AGBL4: variants seen among roughly 807,000 people sequenced by gnomAD.
AGBL4 encodes the protein cytosolic carboxypeptidase 6.
AGBL4 carries 58 observed loss-of-function variants against 66.4 expected under a neutral mutation model. The ratio of observed to expected loss-of-function variants is 0.87; its 90% CI spans 0.71 to 1.09. The LOEUF is 1.09. Ranked by LOEUF, AGBL4 falls within the 50% of genes least tolerant of loss-of-function variation. The probability of loss-of-function intolerance (pLI) is 0.00; values close to 1 mark genes in which losing one functional copy is unlikely to be tolerated. For synonymous variants in AGBL4, 234 were observed against 222.9 expected, an observed-to-expected ratio of 1.05 and a Z score of -0.44; for missense variants, 579 against 631.0, an observed-to-expected ratio of 0.92 and a Z score of 0.88.
At chr1:49,334,268 C>A (rs1237626269) in intron 3 of AGBL4, among the ~76,000 whole-genome samples, 2 of 152,168 alleles carry the variant, frequency 1.3e-5, no homozygotes, top group Non-Finnish European at 2.9e-5. Flanking sequence ...GAACCCAAAT[C>A]CAGTTCCTTC....
At chr1:49,971,734 T>G (rs1448760819) in intron 1 of AGBL4, among the ~76,000 whole-genome samples, 3 of 151,784 alleles carry the variant, frequency 2.0e-5, no homozygotes, top group African/African-American at 7.3e-5. Flanking sequence ...AAAAAAATGT[T>G]CCAATTGATG....
intron 6 of AGBL4, among the ~76,000 whole-genome samples, chr1:48,769,490 C>G (rs1410611237): frequency 6.9e-6 from 1 of 145,772 alleles, no homozygotes; most frequent in African/African-American, 2.5e-5. Context: ...TAATAGTAAG[C>G]CTTTCATGCT....
chr1:49,796,124 C>T (rs1644724125), intron 2 of AGBL4, among the ~76,000 whole-genome samples: 1 of 151,686 alleles, frequency 6.6e-6, no homozygotes, highest in African/African-American at 2.4e-5. Flanking sequence ...AAGATATGAA[C>T]AGGTAATTCA....
intron 11 of AGBL4, among the ~76,000 whole-genome samples, chr1:48,542,542 C>T (rs1048891536): frequency 4.6e-5 from 7 of 152,134 alleles, no homozygotes; most frequent in Non-Finnish European, 8.8e-5. Flanking sequence ...TTCTAACTGG[C>T]GTGAGATGGT....
chr1:49,060,058 A>G (rs1453477653), intron 4 of AGBL4, among the ~76,000 whole-genome samples: 3 of 152,148 alleles, frequency 2.0e-5, no homozygotes, highest in African/African-American at 2.4e-5. Context: ...ATGTTTTGAA[A>G]TGTGAGAATT....
intron 3 of AGBL4, among the ~76,000 whole-genome samples, chr1:49,394,489 G>A (rs1644913698): frequency 6.6e-6 from 1 of 151,964 alleles, no homozygotes; most frequent in Admixed American, 6.6e-5. Flanking sequence ...GGGTCAGACT[G>A]CTCCCACCCC....
At chr1:48,638,961 A>T (rs2148421062) in intron 8 of AGBL4, among the ~76,000 whole-genome samples, 1 of 152,242 alleles carries the variant, frequency 6.6e-6, no homozygotes, top group Admixed American at 6.5e-5. Context: ...GCTACATAAC[A>T]AGTACTCTAA....
intron 5 of AGBL4, among the ~76,000 whole-genome samples, chr1:48,875,984 C>G (rs570418500): frequency 6.6e-6 from 1 of 152,224 alleles, no homozygotes; most frequent in South Asian, 2.1e-4. Context: ...GGTTTATAGG[C>G]AGAAAAGCAG....
At chr1:48,849,240 T>C (rs1437360837) in intron 6 of AGBL4, among the ~76,000 whole-genome samples, 1 of 152,248 alleles carries the variant, frequency 6.6e-6, no homozygotes, top group African/African-American at 2.4e-5. Flanking sequence ...TGCCAGGCCT[T>C]GTGGTAAAAA....
At chr1:49,836,015 T>C (rs1171748828) in intron 2 of AGBL4, among the ~76,000 whole-genome samples, 1 of 152,182 alleles carries the variant, frequency 6.6e-6, no homozygotes, top group African/African-American at 2.4e-5. Flanking sequence ...TTAACATTTT[T>C]TCCTTTATTT....
chr1:49,853,488 C>T (rs1646356679), intron 1 of AGBL4, among the ~76,000 whole-genome samples: 1 of 151,878 alleles, frequency 6.6e-6, no homozygotes, highest in Non-Finnish European at 1.5e-5. Flanking sequence ...GCAGAGCATC[C>T]AAGAGCTGTG....
chr1:49,742,538 T>C (rs1275707749), intron 2 of AGBL4, among the ~76,000 whole-genome samples: 1 of 151,374 alleles, frequency 6.6e-6, no homozygotes, highest in East Asian at 1.9e-4. Flanking sequence ...CTTCACAGAA[T>C]TGGAAAAAAC....
At position 48,536,601 on chromosome 1, in the gene AGBL4, C is replaced by G. The variant is rs184562831; in HGVS notation, c.1365-1685G>C. Among the ~76,000 whole-genome samples the G allele has an allele frequency of 5.9e-5, 9 of 152,278 alleles. No homozygotes were observed. In the East Asian group the frequency reaches 1.7e-3, roughly 29 times the overall value. Reference sequence around the variant, plus strand: ...CTAGCAGTTGGCACAAGGACTGGCACGTAGTGGGCTCCAGTGTGTTGAGGA... The same window carrying G: ...CTAGCAGTTGGCACAAGGACTGGCAGGTAGTGGGCTCCAGTGTGTTGAGGA... On this transcript the variant is annotated intron_variant, in intron 12 of 13. Transcript: ENST00000371839.
intron 3 of AGBL4, among the ~76,000 whole-genome samples, chr1:49,551,919 G>A (rs1198218421): frequency 6.6e-6 from 1 of 152,160 alleles, no homozygotes; most frequent in Admixed American, 6.5e-5. Flanking sequence ...ATCAGGTGGA[G>A]GCACAGCTAG....
intron 1 of AGBL4, among the ~76,000 whole-genome samples, chr1:49,868,419 C>T (rs914293905): frequency 2.6e-5 from 4 of 151,986 alleles, no homozygotes; most frequent in African/African-American, 9.7e-5. Context: ...GCTACTGGTA[C>T]AAAAACAGGC....
At chr1:50,002,530 C>T (rs984483210) in intron 1 of AGBL4, among the ~76,000 whole-genome samples, 6 of 151,254 alleles carry the variant, frequency 4.0e-5, no homozygotes, top group Non-Finnish European at 7.4e-5. Flanking sequence ...CCACCACGCC[C>T]GGCTAATTTT....
intron 3 of AGBL4, among the ~76,000 whole-genome samples, chr1:49,354,696 A>G (rs1052765215): frequency 6.6e-6 from 1 of 152,226 alleles, no homozygotes; most frequent in Non-Finnish European, 1.5e-5. Flanking sequence ...AGTCAATTTT[A>G]CCATAGGCTA....
At chr1:49,669,643 G>C (rs1272400674) in intron 3 of AGBL4, among the ~76,000 whole-genome samples, 2 of 152,058 alleles carry the variant, frequency 1.3e-5, no homozygotes, top group African/African-American at 4.8e-5. Context: ...TGATAGAAAG[G>C]GAAAGAAGGG....
intron 6 of AGBL4, among the ~76,000 whole-genome samples, chr1:48,741,489 G>A (rs1399908560): frequency 6.6e-6 from 1 of 152,254 alleles, no homozygotes; most frequent in Non-Finnish European, 1.5e-5. Flanking sequence ...AGGCAAGGCA[G>A]AATGGGCCTG....
Sources: allele counts gnomAD v4.1 joint callset (sites outside exome capture counted in the v4.1 genomes callset), GRCh38; gene constraint gnomAD v4.1.1; transcripts MANE v1.5; gene names NCBI Gene and HGNC (gene_info 2026-07-23, HGNC 2026-07-21).